TLE1: variants seen among roughly 807,000 people sequenced by gnomAD.
The protein encoded by TLE1 is transducin-like enhancer protein 1.
TLE1 carries 21 observed loss-of-function variants against 89.8 expected under a neutral mutation model. The ratio of observed to expected loss-of-function variants is 0.23; its 90% CI spans 0.17 to 0.34. The LOEUF (loss-of-function observed/expected upper bound fraction) is 0.34, where lower values mean the gene tolerates loss of function less well. Ranked by LOEUF, TLE1 falls within the 10% of genes least tolerant of loss-of-function variation. The pLI is 1.00. For missense variants in TLE1, 795 were observed against 1,031.2 expected (o/e 0.77, Z 3.14); for synonymous variants, 447 against 407.6 (o/e 1.10, Z -1.16).
At chr9:81,626,802 A>T (rs372861685) in intron 8 of TLE1, among the ~76,000 whole-genome samples, 2 of 152,088 alleles carry the variant, frequency 1.3e-5, no homozygotes, top group East Asian at 3.9e-4. Context: ...CTTCGTCACC[A>T]CCCTCTCATT....
intron 6 of TLE1, among the ~76,000 whole-genome samples, chr9:81,637,393 G>A (rs1305730532): frequency 6.6e-6 from 1 of 152,116 alleles, no homozygotes; most frequent in African/African-American, 2.4e-5. Context: ...AGTAGATTCT[G>A]ATATCTTACT....
chr9:81,617,883 G>T (rs943128582), intron 9 of TLE1, among the ~76,000 whole-genome samples: 2 of 152,054 alleles, frequency 1.3e-5, no homozygotes, highest in African/African-American at 2.4e-5. Flanking sequence ...AATTAGCTGG[G>T]TTTAGTGGCG....
chr9:81,634,737 T>C (rs1827162203), intron 6 of TLE1, among the ~76,000 whole-genome samples: 1 of 152,130 alleles, frequency 6.6e-6, no homozygotes, highest in South Asian at 2.1e-4. Flanking sequence ...AGACTCACGC[T>C]GTTTTCAGAG....
intron 15 of TLE1, among the ~76,000 whole-genome samples, chr9:81,592,307 G>A (rs545798320): frequency 3.3e-5 from 5 of 152,350 alleles, no homozygotes; most frequent in East Asian, 1.9e-4. Context: ...GCAGTGAGCC[G>A]AGATCCGGCC....
chr9:81,664,490 GTGTC>G (rs1831209377), intron 4 of TLE1, among the ~76,000 whole-genome samples: 1 of 152,160 alleles, frequency 6.6e-6, no homozygotes, highest in Non-Finnish European at 1.5e-5. Flanking sequence ...TAAATCTAAT[GTGTC>G]TGAGTAGCTT....
rs34947337 is a variant in TLE1 at position 81,615,081 on chromosome 9, CAAAAAAAAAAAAAAAAAAAAAAAAA to C, written c.918+876_918+900del. On this transcript the variant is annotated intron_variant, in intron 11 of 19. Coordinates refer to ENST00000376499, the MANE Select transcript of TLE1 (RefSeq NM_005077.5). ...TGGGTGACAGAGTGAGACTCCATCT[CAAAAAAAAAAAAAAAAAAAAAAAAA>C]AAAAAAAAAAAAAAAGAAGAAGAAG... Among the ~76,000 whole-genome samples, 57 of 25,106 alleles carry C rather than the reference CAAAAAAAAAAAAAAAAAAAAAAAAA, an allele frequency of 2.3e-3. 1 individual carries two copies. The highest frequency in any genetic ancestry group is 8.5e-3 in the African/African-American group (52 of 6,130). 16.5% of individuals were successfully genotyped at this position (25,106 alleles called of 152,430 possible).
chr9:81,632,018 A>C lies in TLE1; in HGVS notation c.594+1330T>G, dbSNP rs922939018. ...GGCAGAAAAATCGCTTGAACCCAGG[A>C]GGCGGAGGTTGCAGTGAGCCGAGAT... On this transcript the variant is annotated intron_variant, in intron 8 of 19. Coordinates refer to ENST00000376499, the MANE Select transcript of TLE1 (RefSeq NM_005077.5). 7.9e-5 allele frequency among the ~76,000 whole-genome samples: 12 copies of C among 152,056 alleles called. No homozygotes were observed. In the East Asian group the frequency reaches 2.1e-3, roughly 27 times the overall value.
At chr9:81,664,345 CTCTT>C in intron 4 of TLE1, among the ~76,000 whole-genome samples, 1 of 152,216 alleles carries the variant, frequency 6.6e-6, no homozygotes, top group Middle Eastern at 3.4e-3. Flanking sequence ...TTCCAATACT[CTCTT>C]TCCCTTCATA....
intron 4 of TLE1, among the ~76,000 whole-genome samples, chr9:81,681,050 C>T (rs937130144): frequency 6.6e-6 from 1 of 151,882 alleles, no homozygotes; most frequent in African/African-American, 2.4e-5. Flanking sequence ...TTTTAAAAAC[C>T]CACTAAAGAA....
In TLE1 at chr9:81,620,495, T is replaced by C. The variant is rs961999865; in HGVS notation, c.657A>G (p.Glu219=). ...RGTDKRRNGP[E]FSNDIKKRKV... ...TCCTTTTCTTGATGTCATTGGAAAA[T>C]TCAGGTCCATTTCTGCGTTTATCTG... is the stretch of plus-strand genomic sequence containing the variant. Residue 219 remains glutamate (E), a synonymous_variant, in exon 9 of 20, where the codon GAA becomes GAG. Transcript: ENST00000376499. 1 of 1,614,078 alleles carries C rather than the reference T, an allele frequency of 6.2e-7. No individual in the cohort carries two copies. The highest frequency in any genetic ancestry group is 8.5e-7 in the Non-Finnish European group (1 of 1,179,994).
At chr9:81,677,243 C>CG (rs1011696004) in intron 4 of TLE1, among the ~76,000 whole-genome samples, 6 of 145,364 alleles carry the variant, frequency 4.1e-5, no homozygotes, top group African/African-American at 5.1e-5. Context: ...TCTTCCCCCC[C>CG]CCAAAAAAAA....
chr9:81,612,122 C>G (rs572670067), intron 12 of TLE1, among the ~76,000 whole-genome samples, 163 bp from the exon 13 acceptor site: 2 of 152,270 alleles, frequency 1.3e-5, no homozygotes, highest in East Asian at 1.9e-4. Flanking sequence ...CACTGGATCC[C>G]TCCTTCCCCA....
intron 4 of TLE1, among the ~76,000 whole-genome samples, chr9:81,674,504 GA>G: frequency 6.6e-6 from 1 of 152,260 alleles, no homozygotes; most frequent in Non-Finnish European, 1.5e-5. Flanking sequence ...GAGGCCAACT[GA>G]AAATCTCCAT....
At position 81,612,494 on chromosome 9, in the gene TLE1, T is replaced by C. The variant is rs1823846452; in HGVS notation, c.1064-535A>G. ...GCTTTTTTCCTTTCCCACTGGGGAATATCAGGTTGCAAATTATGAGTTTTT... is the reference window on the plus strand; with the variant it reads ...GCTTTTTTCCTTTCCCACTGGGGAACATCAGGTTGCAAATTATGAGTTTTT... On this transcript the variant is annotated intron_variant, in intron 12 of 19. Transcript: ENST00000376499. 1.1e-5 allele frequency: 4 copies of C among 368,886 alleles called. No individual in the cohort carries two copies. In the South Asian group the frequency reaches 4.4e-4, roughly 40 times the overall value. 22.9% of individuals were successfully genotyped at this position (368,886 alleles called of 1,614,324 possible). A position where few individuals can be genotyped will look rare whatever the true frequency, so the allele number is the denominator to read the frequency against.
intron 4 of TLE1, among the ~76,000 whole-genome samples, chr9:81,679,718 G>C (rs1833363629): frequency 1.3e-5 from 2 of 152,092 alleles, no homozygotes; most frequent in Non-Finnish European, 2.9e-5. Flanking sequence ...AAAGGTACTA[G>C]TTGTGAGAAT....
chr9:81,629,249 G>T (rs1826274221), intron 8 of TLE1, among the ~76,000 whole-genome samples: 1 of 151,962 alleles, frequency 6.6e-6, no homozygotes. Context: ...TCTCTTTCAA[G>T]CAGATAAAAA....
At chr9:81,668,046 C>G (rs1831712173) in intron 4 of TLE1, among the ~76,000 whole-genome samples, 1 of 152,054 alleles carries the variant, frequency 6.6e-6, no homozygotes, top group African/African-American at 2.4e-5. Flanking sequence ...TGCCTATAAT[C>G]CCAGCTACAT....
intron 4 of TLE1, among the ~76,000 whole-genome samples, chr9:81,682,612 TGACA>T (rs1231102587): frequency 6.6e-6 from 1 of 152,210 alleles, no homozygotes; most frequent in African/African-American, 2.4e-5. Flanking sequence ...TCAAACCATA[TGACA>T]GACAAAAACA....
At chr9:81,632,180 C>T (rs74536663) in intron 8 of TLE1, among the ~76,000 whole-genome samples, 10 of 152,104 alleles carry the variant, frequency 6.6e-5, no homozygotes, top group African/African-American at 2.4e-4. Context: ...TATCTGTACT[C>T]TGTGTGTAGA....
Sources: allele counts gnomAD v4.1 joint callset (sites outside exome capture counted in the v4.1 genomes callset), GRCh38; gene constraint gnomAD v4.1.1; transcripts MANE v1.5; gene names NCBI Gene and HGNC (gene_info 2026-07-23, HGNC 2026-07-21).